AASDHPPT: variants seen among roughly 807,000 people sequenced by gnomAD.
The protein encoded by AASDHPPT is aminoadipate-semialdehyde dehydrogenase-phosphopantetheinyl transferase.
AASDHPPT carries 23 observed loss-of-function variants against 36.4 expected under a neutral mutation model. The observed-to-expected ratio is 0.63, with a 90% CI of 0.45 to 0.89. The LOEUF (loss-of-function observed/expected upper bound fraction) is 0.89. Ranked by LOEUF, AASDHPPT falls within the 40% of genes least tolerant of loss-of-function variation. AASDHPPT has a pLI of 0.00. For synonymous variants in AASDHPPT, 115 were observed against 128.0 expected, an observed-to-expected ratio of 0.90 and a Z score of 0.68; for missense variants, 377 against 378.2, an observed-to-expected ratio of 1.00 and a Z score of 0.03.
intron 4 of AASDHPPT, chr11:106,093,867 C>T (rs1479088362): frequency 6.6e-6 from 1 of 151,602 alleles, no homozygotes; most frequent in Non-Finnish European, 1.5e-5. Context: ...CATGATTTTT[C>T]ATACGTGATA....
At chr11:106,095,983 A>G (rs1861309114) in intron 5 of AASDHPPT, 1 of 152,188 alleles carries the variant, frequency 6.6e-6, no homozygotes, top group African/African-American at 2.4e-5. Context: ...AGTACAATTC[A>G]CAAAATTGGG....
At position 106,097,436 on chromosome 11, in the gene AASDHPPT, T is replaced by G. The variant is rs1307033266; in HGVS notation, c.*529T>G. On this transcript the variant is annotated 3_prime_UTR_variant, in exon 6 of 6. Coordinates refer to ENST00000278618, the MANE Select transcript of AASDHPPT (RefSeq NM_015423.3). ...TATAGCTAATACAAGTTAGGATGCT[T>G]TTGGCCAGAGGTAACAGTGTCCAAA... The G allele has an allele frequency of 1.3e-5, 2 of 152,698 alleles. No homozygotes were observed. The highest frequency in any genetic ancestry group is 2.9e-5 in the Non-Finnish European group (2 of 68,482). 9.5% of individuals were successfully genotyped at this position (152,698 alleles called of 1,614,324 possible).
intron 2 of AASDHPPT, among the ~76,000 whole-genome samples, chr11:106,081,404 A>G (rs973168200): frequency 2.0e-5 from 3 of 152,200 alleles, no homozygotes; most frequent in Admixed American, 6.5e-5. Flanking sequence ...ACTGTATGCT[A>G]CATTTTGTAT....
rs988851067 is a variant in AASDHPPT, at chr11:106,098,035, G to C, written c.*1128G>C. ...TAAAAGTGGAATGATTGGTTTGACT[G>C]GTTCATAGGGCTTTAATTATACAAT... On this transcript the variant is annotated 3_prime_UTR_variant, in exon 6 of 6. Coordinates refer to ENST00000278618, the MANE Select transcript of AASDHPPT (RefSeq NM_015423.3). The C allele has an allele frequency of 6.6e-6, 1 of 151,994 alleles. No individual in the cohort carries two copies. Among genetic ancestry groups the C allele is most frequent in the Non-Finnish European group, 1.5e-5 (1 of 67,952 alleles). 9.4% of individuals were successfully genotyped at this position (151,994 alleles called of 1,614,324 possible).
At chr11:106,093,590 A>G (rs1368642255) in intron 4 of AASDHPPT, 1 of 152,134 alleles carries the variant, frequency 6.6e-6, no homozygotes, top group African/African-American at 2.4e-5. Context: ...GGGTACCTGA[A>G]GGTATGAAGA....
intron 4 of AASDHPPT, chr11:106,093,786 T>G (rs1861281418): frequency 1.3e-5 from 2 of 152,112 alleles, no homozygotes; most frequent in Admixed American, 1.3e-4. Context: ...AAAGTCCCCT[T>G]CCCCTTTGTC....
At chr11:106,080,444 A>G (rs964978859) in intron 2 of AASDHPPT, among the ~76,000 whole-genome samples, 3 of 152,202 alleles carry the variant, frequency 2.0e-5, no homozygotes, top group African/African-American at 7.2e-5. Flanking sequence ...ATTGCCTTAG[A>G]AATTTGTTAG....
chr11:106,094,678 T>C, intron 5 of AASDHPPT, 24 bp downstream of exon 5: 1 of 1,552,842 alleles, frequency 6.4e-7, no homozygotes, highest in Non-Finnish European at 8.8e-7. Context: ...ATTTCTCTTT[T>C]TTCTAAATAG....
chr11:106,080,798 T>G (rs1021645076), intron 2 of AASDHPPT, among the ~76,000 whole-genome samples: 18 of 152,196 alleles, frequency 1.2e-4, no homozygotes, highest in African/African-American at 2.9e-4. Context: ...AATATGTGGC[T>G]CTCTCAGTCT....
At chr11:106,095,561 A>G (rs772054807) in intron 5 of AASDHPPT, among the ~76,000 whole-genome samples, 90 of 152,230 alleles carry the variant, frequency 5.9e-4, no homozygotes, top group Non-Finnish European at 1.0e-3. Context: ...ATTCTGCAGA[A>G]GTATTTATTT....
At position 106,091,393 on chromosome 11, in the gene AASDHPPT, T is replaced by C; in HGVS notation, c.609T>C (p.Ser203=). ...FELQRLEFDL[S]PLNLDIGQVY... ...TGCAGCGGCTTGAATTTGATCTATC[T>C]CCATTAAACTTGGATATAGGCCAAG... is the stretch of plus-strand genomic sequence containing the variant. Residue 203 remains serine, a synonymous_variant, in exon 4 of 6, where the codon TCT becomes TCC. Coordinates refer to ENST00000278618, the MANE Select transcript of AASDHPPT (RefSeq NM_015423.3). 6.2e-7 allele frequency: 1 copy of C among 1,610,110 alleles called. No homozygotes were observed. The highest frequency in any genetic ancestry group is 8.5e-7 in the Non-Finnish European group (1 of 1,178,334).
At chr11:106,084,160 GA>G (rs923889062) in intron 2 of AASDHPPT, among the ~76,000 whole-genome samples, 4 of 151,076 alleles carry the variant, frequency 2.6e-5, no homozygotes, top group Non-Finnish European at 5.9e-5. Context: ...CAGAAAATTG[GA>G]AAAAAAACAC....
At chr11:106,079,827 A>G in intron 2 of AASDHPPT, 135 bp downstream of exon 2, 2 of 688,102 alleles carry the variant, frequency 2.9e-6, no homozygotes, top group Non-Finnish European at 2.4e-6. Flanking sequence ...CACAAAGGTA[A>G]TGGAGAGCAT....
At chr11:106,093,239 T>C (rs1206175676) in intron 4 of AASDHPPT, 1 of 152,134 alleles carries the variant, frequency 6.6e-6, no homozygotes, top group Non-Finnish European at 1.5e-5. Context: ...AAACAGTATA[T>C]CCATTAGTTA....
At chr11:106,091,735 G>C in intron 4 of AASDHPPT, 1 of 283,540 alleles carries the variant, frequency 3.5e-6, no homozygotes, top group Non-Finnish European at 6.5e-6. Context: ...TGTATGAACA[G>C]CCAAACGCAG....
At chr11:106,078,243 T>A (rs975717272) in intron 1 of AASDHPPT, among the ~76,000 whole-genome samples, 1 of 152,238 alleles carries the variant, frequency 6.6e-6, no homozygotes. Context: ...AAATGTTATT[T>A]TTTTTTGTTT....
chr11:106,092,611 A>G (rs184793955), intron 4 of AASDHPPT: 5 of 152,260 alleles, frequency 3.3e-5, no homozygotes, highest in African/African-American at 9.6e-5. Flanking sequence ...TGAAACCACA[A>G]GAAGTTAGAA....
intron 3 of AASDHPPT, 56 bp from the exon 4 acceptor site, chr11:106,091,260 C>T (rs538716383): frequency 1.3e-6 from 2 of 1,494,138 alleles, no homozygotes; most frequent in East Asian, 4.6e-5. Flanking sequence ...CCTGTAGATT[C>T]TATGAAAAAT....
rs777883051 is a variant in AASDHPPT at position 106,077,828 on chromosome 11, A to AT, written c.120dup (p.Gln41SerfsTer18). On this transcript the variant is annotated frameshift_variant, in exon 1 of 6. Coordinates refer to ENST00000278618, the MANE Select transcript of AASDHPPT (RefSeq NM_015423.3). LOFTEE classifies it high-confidence loss of function. ...CGAATGGCTGCTGGCAGTGCGATCG[A>AT]TTCAGCCCGAGGAGAAGGAGCGCAT... 1 of 1,614,132 alleles carries AT rather than the reference A, an allele frequency of 6.2e-7. No individual in the cohort carries two copies. Among genetic ancestry groups the AT allele is most frequent in the South Asian group, 1.1e-5 (1 of 91,082 alleles).
Sources: allele counts gnomAD v4.1 joint callset (sites outside exome capture counted in the v4.1 genomes callset), GRCh38; gene constraint gnomAD v4.1.1; transcripts MANE v1.5; gene names NCBI Gene and HGNC (gene_info 2026-07-23, HGNC 2026-07-21).